The following NUP210L variants were observed in gnomAD, a reference collection of about 807,000 sequenced individuals.
NUP210L encodes nuclear pore membrane glycoprotein 210-like.
Under a neutral mutation model 208.5 loss-of-function variants are expected in NUP210L, and 74 were observed. The ratio of observed to expected loss-of-function variants is 0.35; its 90% CI spans 0.29 to 0.43. NUP210L has a LOEUF of 0.43. Ranked by LOEUF, NUP210L falls within the 20% of genes least tolerant of loss-of-function variation. The pLI, the probability that NUP210L is intolerant of heterozygous loss-of-function variation, is 1.00. For synonymous variants in NUP210L, 780 were observed against 816.9 expected, an observed-to-expected ratio of 0.95 and a Z score of 0.77; for missense variants, 1,843 against 2,289.4, an observed-to-expected ratio of 0.81 and a Z score of 3.98.
chr1:154,113,815 G>A (rs1313660770), intron 12 of NUP210L, among the ~76,000 whole-genome samples: 3 of 136,418 alleles, frequency 2.2e-5, no homozygotes, highest in Non-Finnish European at 4.6e-5. Context: ...CTGAGATCTG[G>A]CCACGGCACT....
chr1:154,058,305 C>CT, intron 21 of NUP210L, 89 bp from the exon 22 acceptor site: 2 of 1,357,254 alleles, frequency 1.5e-6, no homozygotes, highest in South Asian at 2.6e-5. Flanking sequence ...CTTTTTTTTT[C>CT]TTTCATGCTA....
At chr1:154,122,182 T>C (rs1657647659) in intron 10 of NUP210L, among the ~76,000 whole-genome samples, 1 of 152,132 alleles carries the variant, frequency 6.6e-6, no homozygotes, top group Non-Finnish European at 1.5e-5. Flanking sequence ...TTCAACCACT[T>C]AGATAAAATG....
At chr1:154,108,290 T>A (rs1308986395) in intron 12 of NUP210L, among the ~76,000 whole-genome samples, 1 of 152,140 alleles carries the variant, frequency 6.6e-6, no homozygotes, top group Non-Finnish European at 1.5e-5. Context: ...CATGAGTAGC[T>A]GGGATCACAG....
Position 154,054,445 on chromosome 1 carries a change from A to T in NUP210L, c.3304-38T>A, listed in dbSNP as rs757948229. 3.8e-6 allele frequency: 6 copies of T among 1,594,174 alleles called. No individual in the cohort carries two copies. In the East Asian group the frequency reaches 1.3e-4, roughly 36 times the overall value. ...TATACCATTGAATGCCTAGAACATG[A>T]GGGAGAAATCATGTCTCTTTTCCCA... On this transcript the variant is annotated intron_variant, in intron 24 of 39. Coordinates refer to ENST00000368559, the Ensembl canonical transcript of NUP210L.
intron 34 of NUP210L, 58 bp from the exon 35 acceptor site, chr1:154,010,179 A>T (rs1650824868): frequency 6.4e-7 from 1 of 1,551,138 alleles, no homozygotes; most frequent in Non-Finnish European, 8.8e-7. Context: ...GTAAAAAGAG[A>T]GACCATTATA....
chr1:154,134,686 G>A (rs1428538317), intron 7 of NUP210L, among the ~76,000 whole-genome samples: 1 of 119,378 alleles, frequency 8.4e-6, no homozygotes, highest in Non-Finnish European at 1.6e-5. Flanking sequence ...GCAGTGAGCC[G>A]AGATTGCGCC....
At chr1:154,155,057 G>A (rs1456938151) in exon 1 of NUP210L, 1 of 1,586,416 alleles carries the variant, frequency 6.3e-7, no homozygotes, top group East Asian at 2.3e-5. Flanking sequence ...CGACTGCCAG[G>A]TCTCGGGTTC....
At chr1:154,002,960 C>T (rs576873753) in intron 35 of NUP210L, among the ~76,000 whole-genome samples, 1 of 150,738 alleles carries the variant, frequency 6.6e-6, no homozygotes, top group Admixed American at 6.6e-5. Context: ...TTATTTTTAT[C>T]AATGGTAGGA....
chr1:154,125,854 G>A (rs1216150677), intron 10 of NUP210L, among the ~76,000 whole-genome samples: 11 of 128,516 alleles, frequency 8.6e-5, no homozygotes, highest in African/African-American at 3.1e-4. Context: ...TGCAAGCTCC[G>A]CCTCCCGGGT....
intron 27 of NUP210L, among the ~76,000 whole-genome samples, chr1:154,033,000 AG>A (rs1652341359): frequency 6.8e-6 from 1 of 147,112 alleles, no homozygotes; most frequent in Non-Finnish European, 1.5e-5. Flanking sequence ...AAAGAAAGAA[AG>A]AAAAAAAGAA....
intron 30 of NUP210L, among the ~76,000 whole-genome samples, chr1:154,024,859 C>T (rs1651767115): frequency 6.6e-6 from 1 of 151,116 alleles, no homozygotes. Flanking sequence ...TTCTACACTC[C>T]TCCGATACCA....
At chr1:153,998,280 C>T (rs553242172) in intron 37 of NUP210L, among the ~76,000 whole-genome samples, 3 of 152,136 alleles carry the variant, frequency 2.0e-5, no homozygotes, top group East Asian at 1.9e-4. Context: ...CACGGCCAGG[C>T]GCAGTAACTT....
intron 16 of NUP210L, chr1:154,079,079 G>A (rs1655182304): frequency 2.6e-5 from 4 of 152,048 alleles, no homozygotes; most frequent in African/African-American, 7.2e-5. Flanking sequence ...GAGGCCAGGA[G>A]CACAAAACCA....
intron 35 of NUP210L, among the ~76,000 whole-genome samples, chr1:154,003,141 G>C (rs574543760): frequency 6.6e-6 from 1 of 151,550 alleles, no homozygotes; most frequent in East Asian, 1.9e-4. Flanking sequence ...CTCCCAGGCA[G>C]CTAGGACTCC....
intron 16 of NUP210L, among the ~76,000 whole-genome samples, chr1:154,086,201 G>A (rs1655611335): frequency 1.4e-5 from 2 of 142,406 alleles, no homozygotes; most frequent in East Asian, 2.0e-4. Context: ...AATAGAGTGA[G>A]ACTCAGTCTC....
intron 27 of NUP210L, among the ~76,000 whole-genome samples, chr1:154,039,422 C>T (rs1229553060): frequency 4.0e-5 from 6 of 151,690 alleles, no homozygotes; most frequent in Non-Finnish European, 7.4e-5. Context: ...TTAGTAGAGA[C>T]GGGGGGTTTC....
intron 12 of NUP210L, among the ~76,000 whole-genome samples, chr1:154,109,316 A>T (rs1656925385): frequency 6.6e-6 from 1 of 151,618 alleles, no homozygotes; most frequent in South Asian, 2.1e-4. Flanking sequence ...TGTAATGATA[A>T]AGGGGTCAAT....
intron 23 of NUP210L, among the ~76,000 whole-genome samples, chr1:154,055,131 CTT>C (rs139157198): frequency 0.17 from 9,333 of 55,592 alleles, 1,001 homozygotes; most frequent in African/African-American, 0.38. Flanking sequence ...TCTTTTCTTT[CTT>C]TCTTTCTTTC....
chr1:154,060,910 A>T, intron 19 of NUP210L, 32 bp downstream of exon 19: 1 of 1,388,802 alleles, frequency 7.2e-7, no homozygotes, highest in East Asian at 2.3e-5. Context: ...CTCCAATATG[A>T]TTCCATTTAA....
Sources: allele counts gnomAD v4.1 joint callset (sites outside exome capture counted in the v4.1 genomes callset), GRCh38; gene constraint gnomAD v4.1.1; transcripts MANE v1.5; gene names NCBI Gene and HGNC (gene_info 2026-07-23, HGNC 2026-07-21).